The following ERBB4 variants were observed in gnomAD, a reference collection of about 807,000 sequenced individuals.
The protein encoded by ERBB4 is erb-b2 receptor tyrosine kinase 4.
Under a neutral mutation model 158.0 loss-of-function variants are expected in ERBB4, and 42 were observed. The ratio of observed to expected loss-of-function variants is 0.27; its 90% confidence interval spans 0.21 to 0.34. The LOEUF is 0.34. Among genes scored for constraint, ERBB4 ranks in the 10% least tolerant of loss-of-function variants. The probability of loss-of-function intolerance (pLI) is 1.00; values close to 1 mark genes in which losing one functional copy is unlikely to be tolerated. For synonymous variants in ERBB4, 583 were observed against 558.7 expected, an observed-to-expected ratio of 1.04 and a Z score of -0.61; for missense variants, 1,333 against 1,624.1, an observed-to-expected ratio of 0.82 and a Z score of 3.08.
chr2:211,595,725 C>G (rs935376581), intron 19 of ERBB4, among the ~76,000 whole-genome samples: 2 of 152,078 alleles, frequency 1.3e-5, no homozygotes, highest in African/African-American at 4.8e-5. Flanking sequence ...TACAGCTGAC[C>G]CTCTGTATTA....
chr2:211,740,043 T>C (rs2074737850), intron 5 of ERBB4, among the ~76,000 whole-genome samples: 1 of 152,168 alleles, frequency 6.6e-6, no homozygotes, highest in South Asian at 2.1e-4. Context: ...ATCCTCTCTG[T>C]TTTCTAGTCA....
intron 1 of ERBB4, among the ~76,000 whole-genome samples, chr2:212,145,356 AT>A (rs113754094): frequency 0.085 from 12,963 of 152,072 alleles, 1,150 homozygotes; most frequent in African/African-American, 0.23. Flanking sequence ...TGATTATACC[AT>A]CATATTCCCC....
At chr2:211,685,933 T>C (rs753303093) in intron 12 of ERBB4, among the ~76,000 whole-genome samples, 1 of 152,180 alleles carries the variant, frequency 6.6e-6, no homozygotes, top group Non-Finnish European at 1.5e-5. Context: ...ATTACATGTA[T>C]TCAGATACAA....
Position 211,694,833 on chromosome 2 carries a change from C to A in ERBB4, c.1489+7134G>T, listed in dbSNP as rs2072955387. ...TTTTGTTTGTAAAAGCACATTTACT[C>A]AAGATAGCATGGGATGGGTTAGGAG... On this transcript the variant is annotated intron_variant, in intron 12 of 27. Transcript: ENST00000342788. 2.0e-5 allele frequency among the ~76,000 whole-genome samples: 3 copies of A among 152,040 alleles called. No homozygotes were observed. In the South Asian group the frequency reaches 6.2e-4, roughly 32 times the overall value.
chr2:211,651,572 G>T (rs2070984079), intron 16 of ERBB4, among the ~76,000 whole-genome samples: 1 of 152,034 alleles, frequency 6.6e-6, no homozygotes, highest in Non-Finnish European at 1.5e-5. Context: ...AAGACAATCA[G>T]CAAGGGCCTG....
chr2:211,843,969 G>A (rs1415139905), intron 3 of ERBB4, among the ~76,000 whole-genome samples: 2 of 152,098 alleles, frequency 1.3e-5, no homozygotes, highest in Admixed American at 1.3e-4. Context: ...TTCACAGAGA[G>A]CAAGAGAGGT....
At chr2:211,636,936 A>C (rs765367202) in intron 16 of ERBB4, among the ~76,000 whole-genome samples, 1 of 151,908 alleles carries the variant, frequency 6.6e-6, no homozygotes, top group South Asian at 2.1e-4. Context: ...CATTCACACG[A>C]AAGTGTCTTA....
Position 211,408,365 on chromosome 2 carries a change from T to C in ERBB4, c.3135+12076A>G, listed in dbSNP as rs141719553. 5.6e-3 allele frequency among the ~76,000 whole-genome samples: 847 copies of C among 152,332 alleles called. 10 individuals carry two copies. The highest frequency in any genetic ancestry group is 0.021 in the South Asian group (103 of 4,826). On this transcript the variant is annotated intron_variant, in intron 25 of 27. Coordinates refer to ENST00000342788, the MANE Select transcript of ERBB4 (RefSeq NM_005235.3). Reference sequence around the variant, plus strand: ...ACATTCTCAATCTAAGGATCCTCTCTAGTTGTCCCTCCCACCTCTTTGTGT... The same window carrying C: ...ACATTCTCAATCTAAGGATCCTCTCCAGTTGTCCCTCCCACCTCTTTGTGT...
chr2:211,749,476 T>C (rs1325865023), intron 5 of ERBB4, among the ~76,000 whole-genome samples: 4 of 152,010 alleles, frequency 2.6e-5, no homozygotes, highest in African/African-American at 7.2e-5. Context: ...ATAATATTTG[T>C]TGCCTATGGA....
intron 20 of ERBB4, among the ~76,000 whole-genome samples, chr2:211,547,573 G>C (rs980069736): frequency 4.6e-5 from 7 of 151,968 alleles, no homozygotes; most frequent in Admixed American, 3.9e-4. Context: ...AGCCATAGGG[G>C]AGCAATAAAC....
At position 211,620,499 on chromosome 2, in the gene ERBB4, A is replaced by G. The variant is rs563959849; in HGVS notation, c.2203-1224T>C. Among the ~76,000 whole-genome samples the G allele has an allele frequency of 3.9e-5, 6 of 152,318 alleles. No homozygotes were observed. The East Asian group carries it at 5.8e-4, about 15-fold the overall frequency. On this transcript the variant is annotated intron_variant, in intron 18 of 27. Coordinates refer to ENST00000342788, the MANE Select transcript of ERBB4 (RefSeq NM_005235.3). ...CTGAACACAAGAATTATTTTAAAAC[A>G]TAGTAACAATAATAAAGAAAATAAA... is the stretch of plus-strand genomic sequence containing the variant.
chr2:211,817,821 T>C (rs1160337948), intron 3 of ERBB4, among the ~76,000 whole-genome samples: 6 of 152,124 alleles, frequency 3.9e-5, no homozygotes, highest in African/African-American at 9.7e-5. Context: ...CCATCTTCAA[T>C]TGTACACATG....
chr2:211,401,531 G>GTGAT (rs2063042500), intron 25 of ERBB4, among the ~76,000 whole-genome samples: 1 of 152,126 alleles, frequency 6.6e-6, no homozygotes, highest in Middle Eastern at 3.4e-3. Context: ...TTCCTTCCCT[G>GTGAT]TGATTGCTGG....
At chr2:212,399,241 C>T (rs936256020) in intron 1 of ERBB4, among the ~76,000 whole-genome samples, 1 of 151,914 alleles carries the variant, frequency 6.6e-6, no homozygotes, top group Admixed American at 6.6e-5. Flanking sequence ...CTGCACCTGG[C>T]CCATATTGTT....
intron 2 of ERBB4, among the ~76,000 whole-genome samples, chr2:212,038,120 T>C (rs1366463983): frequency 6.6e-6 from 1 of 152,256 alleles, no homozygotes. Flanking sequence ...GTGATGTAAC[T>C]TTTGAAAAAT....
At chr2:212,362,568 T>C (rs923638375) in intron 1 of ERBB4, among the ~76,000 whole-genome samples, 12 of 150,840 alleles carry the variant, frequency 8.0e-5, no homozygotes, top group African/African-American at 2.9e-4. Context: ...GCTTAGATGC[T>C]GATGGGTTAT....
intron 1 of ERBB4, among the ~76,000 whole-genome samples, chr2:212,438,511 G>T (rs1329365004): frequency 1.3e-5 from 2 of 152,164 alleles, no homozygotes; most frequent in Non-Finnish European, 1.5e-5. Context: ...CACAGTATGT[G>T]ATATAATATG....
intron 20 of ERBB4, among the ~76,000 whole-genome samples, chr2:211,458,451 G>A (rs536363776): frequency 5.7e-4 from 86 of 152,110 alleles, no homozygotes; most frequent in Non-Finnish European, 9.1e-4. Context: ...TATTTTAGTA[G>A]AGATGGGTTT....
chr2:211,555,055 T>C (rs1038120670), intron 20 of ERBB4, among the ~76,000 whole-genome samples: 4 of 152,238 alleles, frequency 2.6e-5, no homozygotes, highest in African/African-American at 7.2e-5. Flanking sequence ...AGAAGGCATA[T>C]GGTATTATAT....
Sources: allele counts gnomAD v4.1 joint callset (sites outside exome capture counted in the v4.1 genomes callset), GRCh38; gene constraint gnomAD v4.1.1; transcripts MANE v1.5; gene names NCBI Gene and HGNC (gene_info 2026-07-23, HGNC 2026-07-21).